Variants in DCC observed in about 807,000 individuals in gnomAD.
The protein encoded by DCC is netrin receptor DCC.
DCC carries 58 observed loss-of-function variants against 172.5 expected under a neutral mutation model. That is an observed-to-expected ratio of 0.34 (90% CI 0.27 to 0.42). The LOEUF is 0.42. Among genes scored for constraint, DCC ranks in the 10% least tolerant of loss-of-function variants. The pLI is 1.00. For missense variants in DCC, 1,740 were observed against 1,791.0 expected, an observed-to-expected ratio of 0.97 and a Z score of 0.51; for synonymous variants, 709 against 644.5, an observed-to-expected ratio of 1.10 and a Z score of -1.52.
At chr18:52,928,256 T>A (rs927264713) in intron 5 of DCC, among the ~76,000 whole-genome samples, 1 of 152,068 alleles carries the variant, frequency 6.6e-6, no homozygotes, top group African/African-American at 2.4e-5. Flanking sequence ...ACTTGATGTT[T>A]AGTTTCCAAT....
At chr18:52,742,496 C>A (rs973943224) in intron 1 of DCC, among the ~76,000 whole-genome samples, 2 of 152,054 alleles carry the variant, frequency 1.3e-5, no homozygotes, top group African/African-American at 2.4e-5. Context: ...TTGAATAATG[C>A]CTGATGCAGT....
chr18:52,911,925 A>T (rs1206748482), intron 3 of DCC, among the ~76,000 whole-genome samples: 1 of 151,934 alleles, frequency 6.6e-6, no homozygotes, highest in South Asian at 2.1e-4. Flanking sequence ...ATCTTATTGT[A>T]TTTAAGCCAG....
At chr18:53,159,421 G>A (rs188998724) in intron 8 of DCC, among the ~76,000 whole-genome samples, 4 of 152,224 alleles carry the variant, frequency 2.6e-5, no homozygotes, top group African/African-American at 9.6e-5. Context: ...GCTCAGCCAT[G>A]CTTCCTTTAT....
At chr18:53,006,112 G>GC (rs2143860645) in intron 5 of DCC, among the ~76,000 whole-genome samples, 1 of 152,296 alleles carries the variant, frequency 6.6e-6, no homozygotes, top group African/African-American at 2.4e-5. Flanking sequence ...CAGTCATTAT[G>GC]CTTTCATGCT....
intron 1 of DCC, among the ~76,000 whole-genome samples, chr18:52,372,169 T>C (rs1216540815): frequency 6.6e-6 from 1 of 152,206 alleles, no homozygotes; most frequent in African/African-American, 2.4e-5. Flanking sequence ...AAGAGCTGGA[T>C]ATCTAGCAAG....
Position 52,520,314 on chromosome 18 carries a change from G to A in DCC, c.91+179436G>A, listed in dbSNP as rs185200001. Among the ~76,000 whole-genome samples, 5 of 152,280 alleles carry A rather than the reference G, an allele frequency of 3.3e-5. No individual in the cohort carries two copies. In the South Asian group the frequency reaches 6.2e-4, roughly 19 times the overall value. ...TGGTCACTCCCAGAACAGGCTTGCC[G>A]AACCCTGTAGCATAAGTGGTTACTG... On this transcript the variant is annotated intron_variant, in intron 1 of 28. Coordinates refer to ENST00000442544, the MANE Select transcript of DCC (RefSeq NM_005215.4).
At chr18:53,450,237 G>T (rs972819496) in intron 22 of DCC, among the ~76,000 whole-genome samples, 1 of 151,566 alleles carries the variant, frequency 6.6e-6, no homozygotes, top group Admixed American at 6.6e-5. Context: ...TAGACATTTA[G>T]CTTGTTTCCA....
chr18:52,793,595 C>G (rs986333672), intron 2 of DCC, among the ~76,000 whole-genome samples: 15 of 152,084 alleles, frequency 9.9e-5, no homozygotes, highest in African/African-American at 3.4e-4. Context: ...CATGTTGTGT[C>G]TTCACTCTGT....
At chr18:52,699,405 C>T (rs1222255437) in intron 1 of DCC, among the ~76,000 whole-genome samples, 3 of 152,132 alleles carry the variant, frequency 2.0e-5, no homozygotes, top group African/African-American at 7.2e-5. Flanking sequence ...TGAATTATCC[C>T]CTATCCCCCC....
At chr18:53,476,481 A>T (rs1333588594) in intron 25 of DCC, among the ~76,000 whole-genome samples, 2 of 152,182 alleles carry the variant, frequency 1.3e-5, no homozygotes, top group Admixed American at 1.3e-4. Context: ...ATGATTTTAA[A>T]AATGAGAGTC....
intron 2 of DCC, among the ~76,000 whole-genome samples, chr18:52,816,090 G>C (rs941543719): frequency 6.6e-6 from 1 of 152,168 alleles, no homozygotes; most frequent in Non-Finnish European, 1.5e-5. Context: ...GGAAACTTCT[G>C]TGCTAGGGAG....
At chr18:53,101,722 C>A (rs1472213422) in intron 7 of DCC, among the ~76,000 whole-genome samples, 1 of 152,016 alleles carries the variant, frequency 6.6e-6, no homozygotes, top group East Asian at 1.9e-4. Context: ...TTCTGAGACA[C>A]AGTTTGTCTT....
At chr18:52,757,445 T>C (rs1479121632) in intron 2 of DCC, among the ~76,000 whole-genome samples, 1 of 152,180 alleles carries the variant, frequency 6.6e-6, no homozygotes, top group Non-Finnish European at 1.5e-5. Flanking sequence ...AATCCCATTT[T>C]ATTTTGCTTT....
intron 1 of DCC, among the ~76,000 whole-genome samples, chr18:52,565,382 T>G (rs980783904): frequency 4.6e-5 from 7 of 152,158 alleles, no homozygotes; most frequent in Non-Finnish European, 1.0e-4. Flanking sequence ...GATCAAATGG[T>G]ATTTATTGTT....
chr18:52,775,024 C>G (rs577943396), intron 2 of DCC, among the ~76,000 whole-genome samples: 1 of 152,080 alleles, frequency 6.6e-6, no homozygotes, highest in Non-Finnish European at 1.5e-5. Context: ...TTTTAAAGCC[C>G]GGTGAAGGGA....
chr18:52,845,057 G>A (rs116968726), intron 2 of DCC, among the ~76,000 whole-genome samples: 1,555 of 152,304 alleles, frequency 0.01, 14 homozygotes, highest in Middle Eastern at 0.054. Context: ...TCTGACCTCC[G>A]TCTTGACAAG....
At chr18:53,477,609 G>A (rs1443950897) in intron 25 of DCC, among the ~76,000 whole-genome samples, 1 of 151,998 alleles carries the variant, frequency 6.6e-6, no homozygotes, top group African/African-American at 2.4e-5. Flanking sequence ...TTTCTTCCTT[G>A]ACATTTCTTA....
intron 1 of DCC, among the ~76,000 whole-genome samples, chr18:52,735,483 G>A (rs888307944): frequency 2.0e-5 from 3 of 152,158 alleles, no homozygotes; most frequent in East Asian, 1.9e-4. Flanking sequence ...AGGTGAAGTC[G>A]CACAATAGGC....
At position 52,365,242 on chromosome 18, in the gene DCC, G is replaced by A. The variant is rs548609003; in HGVS notation, c.91+24364G>A. 1.9e-4 allele frequency among the ~76,000 whole-genome samples: 29 copies of A among 152,238 alleles called. 1 individual carries two copies. The South Asian group carries it at 5.6e-3, about 29-fold the overall frequency. ...ATGTCAAGGGTTAGTGTTATCCTTC[G>A]CAGTAGTGATTGACCATAAGACTGT... is the stretch of plus-strand genomic sequence containing the variant. On this transcript the variant is annotated intron_variant, in intron 1 of 28. Coordinates refer to ENST00000442544, the MANE Select transcript of DCC (RefSeq NM_005215.4).
Sources: allele counts gnomAD v4.1 joint callset (sites outside exome capture counted in the v4.1 genomes callset), GRCh38; gene constraint gnomAD v4.1.1; transcripts MANE v1.5; gene names NCBI Gene and HGNC (gene_info 2026-07-23, HGNC 2026-07-21).